The following DNAH14 variants were observed in gnomAD, a reference collection of about 807,000 sequenced individuals.
The protein encoded by DNAH14 is dynein axonemal heavy chain 14, also known as axonemal beta dynein heavy chain 14.
In DNAH14, 478 loss-of-function variants were observed where a neutral mutation model predicts 520.9. The observed-to-expected ratio is 0.92, with a 90% CI of 0.85 to 0.99. The LOEUF (loss-of-function observed/expected upper bound fraction) is 0.99, where lower values mean the gene tolerates loss of function less well. Ranked by LOEUF, DNAH14 falls within the 50% of genes least tolerant of loss-of-function variation. The pLI is 0.00. For missense variants in DNAH14, 4,831 were observed against 5,234.5 expected (o/e 0.92, Z 2.38); for synonymous variants, 1,581 against 1,757.2 (o/e 0.90, Z 2.51).
At chr1:224,988,744 C>CA (rs918175969) in intron 8 of DNAH14, among the ~76,000 whole-genome samples, 38 of 152,328 alleles carry the variant, frequency 2.5e-4, no homozygotes, top group African/African-American at 8.4e-4. Flanking sequence ...CTCCTGTATG[C>CA]AAGCACTCCT....
chr1:225,093,698 T>C (rs939303440), intron 21 of DNAH14, among the ~76,000 whole-genome samples: 1 of 152,218 alleles, frequency 6.6e-6, no homozygotes, highest in African/African-American at 2.4e-5. Context: ...AAACTGTCTC[T>C]GTTTGTAGAC....
chr1:225,314,958 T>C (rs534160682), intron 60 of DNAH14, among the ~76,000 whole-genome samples: 2 of 152,296 alleles, frequency 1.3e-5, no homozygotes, highest in South Asian at 2.1e-4. Flanking sequence ...GTGTTCTCTG[T>C]ATTTCCTGGA....
At position 225,335,396 on chromosome 1, in the gene DNAH14, T is replaced by C. The variant is rs1252274987; in HGVS notation, c.10081-1870T>C. Among the ~76,000 whole-genome samples the C allele has an allele frequency of 1.2e-4, 8 of 66,452 alleles. 1 individual carries two copies. The highest frequency in any genetic ancestry group is 1.3e-3 in the South Asian group (2 of 1,600). 43.6% of individuals were successfully genotyped at this position (66,452 alleles called of 152,430 possible). ...GTGTGTGTATATGCACATATACACATGTGTACATGTGTGTGTATGCACATA... is the reference window on the plus strand; with the variant it reads ...GTGTGTGTATATGCACATATACACACGTGTACATGTGTGTGTATGCACATA... On this transcript the variant is annotated intron_variant, in intron 66 of 85. Coordinates refer to ENST00000682510, the MANE Select transcript of DNAH14 (RefSeq NM_001367479.1).
At chr1:225,036,477 A>G (rs1267184317) in intron 11 of DNAH14, among the ~76,000 whole-genome samples, 1 of 151,748 alleles carries the variant, frequency 6.6e-6, no homozygotes, top group Admixed American at 6.6e-5. Context: ...AGAGTTTATT[A>G]GAGGTTTGGA....
At chr1:225,023,504 ATTC>A in intron 10 of DNAH14, 108 bp from the exon 11 acceptor site, 1 of 840,450 alleles carries the variant, frequency 1.2e-6, no homozygotes, top group Non-Finnish European at 1.7e-6. Context: ...TAAAATATCA[ATTC>A]TTAACATTCA....
Position 225,304,956 on chromosome 1 carries a change from A to C in DNAH14, c.8872A>C (p.Met2958Leu). ...AACATGTGTCCAAATCCACAAAAGCATGAAAGACTTGAACAGAAAATACTT... is the reference window on the plus strand; with the variant it reads ...AACATGTGTCCAAATCCACAAAAGCCTGAAAGACTTGAACAGAAAATACTT... Reference protein sequence around the residue: ...APTCVQIHKSMKDLNRKYFEE... With the variant: ...APTCVQIHKSLKDLNRKYFEE... Residue 2958 changes from methionine (M) to leucine (L), a missense_variant, in exon 58 of 86, where the codon ATG becomes CTG. Coordinates refer to ENST00000682510, the MANE Select transcript of DNAH14 (RefSeq NM_001367479.1). 1 of 1,539,968 alleles carries C rather than the reference A, an allele frequency of 6.5e-7. No homozygotes were observed.
At chr1:225,002,482 A>G (rs2063838580) in intron 8 of DNAH14, among the ~76,000 whole-genome samples, 1 of 152,112 alleles carries the variant, frequency 6.6e-6, no homozygotes, top group South Asian at 2.1e-4. Flanking sequence ...CATATAATTC[A>G]TTTTACATAA....
rs1268553653 is a variant in DNAH14 at position 225,098,678 on chromosome 1, C to A, written c.3695+1439C>A. Among the ~76,000 whole-genome samples the A allele has an allele frequency of 1.3e-5, 2 of 152,178 alleles. 1 individual carries two copies. The highest frequency in any genetic ancestry group is 4.2e-4 in the South Asian group (2 of 4,810). On this transcript the variant is annotated intron_variant, in intron 22 of 85. Transcript: ENST00000682510. ...TCTATTTGATTGATCGGTAGTTATT[C>A]TGAAAGTTCTCAAAGGTGAAACCAC...
At chr1:224,989,975 G>A (rs1347766189) in intron 8 of DNAH14, among the ~76,000 whole-genome samples, 2 of 150,516 alleles carry the variant, frequency 1.3e-5, no homozygotes, top group Non-Finnish European at 1.5e-5. Flanking sequence ...ATAATATTTT[G>A]CTATGGATCT....
Position 225,206,025 on chromosome 1 carries a change from A to C in DNAH14, c.6032A>C (p.Glu2011Ala). 1 of 1,551,654 alleles carries C rather than the reference A, an allele frequency of 6.4e-7. No individual in the cohort carries two copies. Among genetic ancestry groups the C allele is most frequent in the Non-Finnish European group, 8.7e-7 (1 of 1,146,862 alleles). The change falls in exon 40 of 86, where the codon GAA (glutamate) becomes GCA (alanine). Residue 2011 changes from glutamate to alanine, a missense_variant. Coordinates refer to ENST00000682510, the MANE Select transcript of DNAH14 (RefSeq NM_001367479.1). The part of the protein sequence containing the change: ...LDGPVDTFWV[E>A]NLNSVLDDTR... Reference sequence around the variant, plus strand: ...GGCCCAGTGGACACCTTTTGGGTAGAAAATCTGAACTCTGTGCTAGATGAT... The same window carrying C: ...GGCCCAGTGGACACCTTTTGGGTAGCAAATCTGAACTCTGTGCTAGATGAT...
chr1:225,182,503 G>A lies in DNAH14; in HGVS notation c.5536-2788G>A, dbSNP rs146240256. ...TATCCACACAAGAAAACACCTTCAC[G>A]AGAGCTAAATAATTAGTTGAGAGAT... On this transcript the variant is annotated intron_variant, in intron 36 of 85. Coordinates refer to ENST00000682510, the MANE Select transcript of DNAH14 (RefSeq NM_001367479.1). 1.9e-3 allele frequency among the ~76,000 whole-genome samples: 292 copies of A among 152,214 alleles called. 1 individual carries two copies. The highest frequency in any genetic ancestry group is 6.6e-3 in the African/African-American group (275 of 41,498).
intron 23 of DNAH14, among the ~76,000 whole-genome samples, chr1:225,113,972 C>A (rs2076677295): frequency 6.6e-6 from 1 of 152,180 alleles, no homozygotes; most frequent in Admixed American, 6.5e-5. Flanking sequence ...GTGCTCTACC[C>A]CATTGTAGCC....
In DNAH14 at chr1:224,967,523, G is replaced by A. The variant is rs61732752; in HGVS notation, c.591G>A (p.Ser197=). 10,023 of 1,603,706 alleles carry A rather than the reference G, an allele frequency of 6.2e-3. 508 individuals are homozygous for A. The African/African-American group carries it at 0.12, about 19-fold the overall frequency. ...ATCCATATGATCTTCAGGTAGTATCGGCTCATACTGCTAAACATTGCAAAG... is the reference window on the plus strand; with the variant it reads ...ATCCATATGATCTTCAGGTAGTATCAGCTCATACTGCTAAACATTGCAAAG... ...LYNPYDLQVV[S]AHTAKHCKEF... is the part of the protein sequence containing the mutation. Residue 197 remains serine, a synonymous_variant, in exon 6 of 86, where the codon TCG becomes TCA. Coordinates refer to ENST00000682510, the MANE Select transcript of DNAH14 (RefSeq NM_001367479.1).
chr1:225,194,335 C>T lies in DNAH14; in HGVS notation c.5886+1424C>T, dbSNP rs2085839229. Reference sequence around the variant, plus strand: ...AATGCAGACACATAGACAAGTAGAGCAGAATAGCCCAGAAATAATACTGCA... The same window carrying T: ...AATGCAGACACATAGACAAGTAGAGTAGAATAGCCCAGAAATAATACTGCA... On this transcript the variant is annotated intron_variant, in intron 38 of 85. Transcript: ENST00000682510. 1.3e-5 allele frequency among the ~76,000 whole-genome samples: 2 copies of T among 152,016 alleles called. 1 individual carries two copies. The highest frequency in any genetic ancestry group is 1.3e-4 in the Admixed American group (2 of 15,242).
chr1:224,991,974 A>G (rs761526240), intron 8 of DNAH14, among the ~76,000 whole-genome samples: 4 of 152,160 alleles, frequency 2.6e-5, no homozygotes, highest in East Asian at 1.9e-4. Flanking sequence ...AGTTTCCCCA[A>G]CACTATTTAT....
intron 41 of DNAH14, among the ~76,000 whole-genome samples, chr1:225,226,185 C>T (rs79337604): frequency 0.049 from 7,418 of 152,252 alleles, 285 homozygotes; most frequent in Non-Finnish European, 0.073. Context: ...TGGGCAGACA[C>T]CTCCTTCCCA....
intron 77 of DNAH14, among the ~76,000 whole-genome samples, chr1:225,374,209 T>C (rs1221242767): frequency 4.6e-5 from 3 of 65,774 alleles, no homozygotes; most frequent in African/African-American, 1.4e-4. Context: ...TAAACTATTC[T>C]AGTAAGACAA....
chr1:225,389,980 C>A, intron 83 of DNAH14, 107 bp downstream of exon 83: 1 of 991,012 alleles, frequency 1.0e-6, no homozygotes, highest in Non-Finnish European at 1.5e-6. Context: ...ACAACACCTG[C>A]GCCTCCACAG....
intron 8 of DNAH14, among the ~76,000 whole-genome samples, chr1:224,984,008 C>A (rs1317260758): frequency 6.6e-6 from 1 of 152,130 alleles, no homozygotes; most frequent in Non-Finnish European, 1.5e-5. Context: ...CACCAAAATA[C>A]CATCATAATT....
Sources: gnomAD v4.1 joint callset for allele counts (sites outside exome capture counted in the v4.1 genomes callset) on GRCh38, gnomAD v4.1.1 for gene constraint, MANE v1.5 for transcripts, NCBI Gene and HGNC (gene_info 2026-07-23, HGNC 2026-07-21) for gene names.